Variants in LRRC7 observed in about 807,000 individuals in gnomAD.
The protein encoded by LRRC7 is leucine-rich repeat-containing protein 7.
In LRRC7, 23 loss-of-function variants were observed where a neutral mutation model predicts 175.7. The ratio of observed to expected loss-of-function variants is 0.13; its 90% CI spans 0.09 to 0.19. The LOEUF is 0.19. Among genes scored for constraint, LRRC7 ranks in the 10% least tolerant of loss-of-function variants. LRRC7 has a pLI of 1.00. For synonymous variants in LRRC7, 685 were observed against 680.9 expected, an observed-to-expected ratio of 1.01 and a Z score of -0.09; for missense variants, 1,354 against 1,904.7, an observed-to-expected ratio of 0.71 and a Z score of 5.38.
intron 4 of LRRC7, among the ~76,000 whole-genome samples, chr1:69,797,957 T>G (rs1194630558): frequency 6.6e-6 from 1 of 152,178 alleles, no homozygotes; most frequent in Non-Finnish European, 1.5e-5. Flanking sequence ...AGTCTTGCTC[T>G]GTCACCCAGG....
At chr1:69,761,360 T>C (rs747951528) in intron 3 of LRRC7, among the ~76,000 whole-genome samples, 32 of 152,050 alleles carry the variant, frequency 2.1e-4, no homozygotes, top group Non-Finnish European at 4.0e-4. Context: ...GAATCTGATA[T>C]TTCAATATGC....
At chr1:69,972,120 A>G (rs1023568715) in intron 8 of LRRC7, among the ~76,000 whole-genome samples, 1 of 152,228 alleles carries the variant, frequency 6.6e-6, no homozygotes, top group African/African-American at 2.4e-5. Context: ...ACAAAAATCA[A>G]CTCAAGATGG....
intron 7 of LRRC7, chr1:69,919,366 G>A: frequency 8.2e-6 from 5 of 608,948 alleles, no homozygotes; most frequent in Non-Finnish European, 1.2e-5. Flanking sequence ...GATGGCGGAC[G>A]AGGAGAAACT....
intron 7 of LRRC7, among the ~76,000 whole-genome samples, chr1:69,889,633 T>G (rs1231095182): frequency 1.3e-5 from 2 of 152,090 alleles, no homozygotes; most frequent in Admixed American, 6.6e-5. Flanking sequence ...ACGCCAAAGC[T>G]CTGTCTCTAC....
At chr1:69,915,875 C>T (rs897474435) in intron 7 of LRRC7, among the ~76,000 whole-genome samples, 5 of 150,462 alleles carry the variant, frequency 3.3e-5, no homozygotes, top group African/African-American at 4.9e-5. Flanking sequence ...AACCCTATAA[C>T]ATAGGGATTC....
At chr1:70,120,217 C>A (rs1402867064) in intron 26 of LRRC7, among the ~76,000 whole-genome samples, 1 of 152,106 alleles carries the variant, frequency 6.6e-6, no homozygotes, top group Admixed American at 6.6e-5. Context: ...ACCCAAACTT[C>A]TACTCAACTA....
chr1:70,076,859 C>T (rs544150435), intron 24 of LRRC7, among the ~76,000 whole-genome samples: 9 of 152,268 alleles, frequency 5.9e-5, no homozygotes, highest in South Asian at 4.2e-4. Flanking sequence ...AAAAGAATTG[C>T]GCTCTTCAAA....
chr1:69,963,032 C>T (rs1651280325), intron 8 of LRRC7, among the ~76,000 whole-genome samples: 2 of 151,798 alleles, frequency 1.3e-5, no homozygotes, highest in African/African-American at 4.8e-5. Flanking sequence ...GGGTCAGGCG[C>T]GGTGGCTCCT....
At chr1:69,794,273 G>T (rs760349979) in intron 4 of LRRC7, among the ~76,000 whole-genome samples, 2 of 150,528 alleles carry the variant, frequency 1.3e-5, no homozygotes, top group Non-Finnish European at 3.0e-5. Context: ...GTTTCCTGAA[G>T]ATTTCCATGA....
intron 24 of LRRC7, among the ~76,000 whole-genome samples, chr1:70,078,134 C>A (rs115696491): frequency 6.6e-6 from 1 of 152,112 alleles, no homozygotes; most frequent in Admixed American, 6.5e-5. Flanking sequence ...ATCCTAAATG[C>A]CTTGACTTGA....
At chr1:69,781,936 G>GAA in intron 3 of LRRC7, among the ~76,000 whole-genome samples, 11 of 94,266 alleles carry the variant, frequency 1.2e-4, no homozygotes, top group Admixed American at 8.8e-4. Context: ...AAGAAAGAAA[G>GAA]AAAGAGAAAA....
At chr1:69,728,052 A>T (rs914190808) in intron 2 of LRRC7, among the ~76,000 whole-genome samples, 2 of 152,136 alleles carry the variant, frequency 1.3e-5, no homozygotes, top group African/African-American at 4.8e-5. Flanking sequence ...CAGTCACCTG[A>T]GATGTGTATT....
chr1:69,678,630 T>A (rs1372573727), intron 2 of LRRC7, among the ~76,000 whole-genome samples, 152 bp downstream of exon 2: 1 of 152,190 alleles, frequency 6.6e-6, no homozygotes, highest in African/African-American at 2.4e-5. Flanking sequence ...ATATGTTACC[T>A]GAATGTAAGT....
intron 7 of LRRC7, among the ~76,000 whole-genome samples, chr1:69,915,817 G>T (rs1254941349): frequency 6.6e-6 from 1 of 151,144 alleles, no homozygotes; most frequent in Non-Finnish European, 1.5e-5. Context: ...CATGTGTCAG[G>T]CACTATTTAC....
intron 2 of LRRC7, among the ~76,000 whole-genome samples, chr1:69,683,333 T>C (rs1160266202): frequency 6.6e-6 from 1 of 152,132 alleles, no homozygotes; most frequent in Non-Finnish European, 1.5e-5. Flanking sequence ...TACCAAATGC[T>C]CCCCAAAGTG....
intron 1 of LRRC7, among the ~76,000 whole-genome samples, chr1:69,656,230 A>G (rs1381045307): frequency 6.6e-6 from 1 of 151,984 alleles, no homozygotes; most frequent in East Asian, 1.9e-4. Context: ...CTTTTTTGTC[A>G]GCTTTTAAAA....
chr1:70,048,495 T>G (rs1660505227), intron 22 of LRRC7, among the ~76,000 whole-genome samples: 1 of 152,116 alleles, frequency 6.6e-6, no homozygotes, highest in Non-Finnish European at 1.5e-5. Context: ...CTCTTTCTAC[T>G]CTATGATGAT....
Position 70,009,995 on chromosome 1 carries a change from C to T in LRRC7, c.1005-1802C>T, listed in dbSNP as rs184496025. 3.4e-3 allele frequency among the ~76,000 whole-genome samples: 514 copies of T among 152,274 alleles called. 2 individuals carry two copies. The highest frequency in any genetic ancestry group is 6.0e-3 in the Non-Finnish European group (405 of 68,024). ...GTATAATCATCATGACCCACTATCA[C>T]CAGCCCCTCAGTCACTGATTTTTCC... On this transcript the variant is annotated intron_variant, in intron 11 of 26. Transcript: ENST00000651989.
chr1:69,914,226 CACT>C, intron 7 of LRRC7, among the ~76,000 whole-genome samples: 1 of 152,280 alleles, frequency 6.6e-6, no homozygotes. Context: ...CAAGTTGCTG[CACT>C]GGAAATTTAT....
Sources: gnomAD v4.1 joint callset for allele counts (sites outside exome capture counted in the v4.1 genomes callset) on GRCh38, gnomAD v4.1.1 for gene constraint, MANE v1.5 for transcripts, NCBI Gene and HGNC (gene_info 2026-07-23, HGNC 2026-07-21) for gene names.